Variants in FARP1 observed in about 807,000 individuals in gnomAD.
The protein encoded by FARP1 is FERM, ARHGEF and pleckstrin domain-containing protein 1.
A neutral mutation model predicts 128.8 loss-of-function variants in FARP1; 52 were observed. That is an observed-to-expected ratio of 0.40 (90% CI 0.32 to 0.51). FARP1 has a LOEUF of 0.51. FARP1 is among the 20% of genes least tolerant of loss of function. FARP1 has a pLI of 0.45. For synonymous variants in FARP1, 580 were observed against 551.8 expected, an observed-to-expected ratio of 1.05 and a Z score of -0.72; for missense variants, 1,333 against 1,367.9, an observed-to-expected ratio of 0.97 and a Z score of 0.40.
At chr13:98,281,827 T>C (rs1193999023) in intron 2 of FARP1, among the ~76,000 whole-genome samples, 1 of 152,148 alleles carries the variant, frequency 6.6e-6, no homozygotes, top group Non-Finnish European at 1.5e-5. Context: ...CCAGCTAATT[T>C]TCTGTTAACT....
At chr13:98,271,614 A>G (rs1594344176) in intron 2 of FARP1, among the ~76,000 whole-genome samples, 2 of 151,860 alleles carry the variant, frequency 1.3e-5, no homozygotes, top group Admixed American at 6.6e-5. Context: ...CCCTGGGTCC[A>G]TGTGTTCTCA....
chr13:98,294,981 C>T (rs1000940364), intron 2 of FARP1, among the ~76,000 whole-genome samples: 3 of 150,800 alleles, frequency 2.0e-5, no homozygotes, highest in African/African-American at 7.3e-5. Context: ...CACACCATTG[C>T]ACTCCAGCCT....
Position 98,176,573 on chromosome 13 carries a change from G to A in FARP1, c.-24+33081G>A. ...AGCTCCCGTTCAATCTCCCACCCGA[G>A]CTTGTAATCGGAACGGTCGTGGAGG... On this transcript the variant is annotated intron_variant, in intron 1 of 26. Coordinates refer to ENST00000319562, the MANE Select transcript of FARP1 (RefSeq NM_005766.4). The surrounding 1 kb of genome is among the most constrained non-coding windows in gnomAD (Gnocchi z 6.2). 1 of 1,614,240 alleles carries A rather than the reference G, an allele frequency of 6.2e-7. No homozygotes were observed.
At chr13:98,267,713 G>A (rs1226387950) in intron 2 of FARP1, among the ~76,000 whole-genome samples, 9 of 152,194 alleles carry the variant, frequency 5.9e-5, no homozygotes, top group African/African-American at 1.7e-4. Flanking sequence ...CCCTGCAGGC[G>A]CAGCCGCGGA....
chr13:98,363,232 T>G (rs1173220728), intron 3 of FARP1, among the ~76,000 whole-genome samples: 2 of 152,216 alleles, frequency 1.3e-5, no homozygotes, highest in African/African-American at 4.8e-5. Flanking sequence ...GATGATCATC[T>G]GGGCATCAGG....
chr13:98,330,043 AG>A (rs1887430817), intron 2 of FARP1: 1 of 152,390 alleles, frequency 6.6e-6, no homozygotes, highest in African/African-American at 2.4e-5. Context: ...CACTTTTGAA[AG>A]CCTGACGTGA....
In FARP1 at chr13:98,202,407, C is replaced by T. The variant is rs147038830; in HGVS notation, c.-23-10813C>T. On this transcript the variant is annotated intron_variant, in intron 1 of 26. Transcript: ENST00000319562. ...CAGAAGTGGTTGGAGGACCCAGAAC[C>T]CAGCCCTTTGGCTTCCTGCAGCTCT... 5.3e-5 allele frequency among the ~76,000 whole-genome samples: 8 copies of T among 152,360 alleles called. No homozygotes were observed. In the East Asian group the frequency reaches 1.3e-3, roughly 26 times the overall value.
intron 2 of FARP1, among the ~76,000 whole-genome samples, chr13:98,287,208 C>CTTTTTTTTTTTTTTTTTTTTTTT (rs71111939): frequency 6.6e-5 from 5 of 75,846 alleles, no homozygotes; most frequent in Admixed American, 1.6e-4. Flanking sequence ...TCAGACATGT[C>CTTTTTTTTTTTTTTTTTTTTTTT]TTTTTTTTTT....
Position 98,287,198 on chromosome 13 carries a change from T to A in FARP1, c.172-56564T>A, listed in dbSNP as rs1386179336. ...GCATTTGTCCTTTCCAAATTAACCATCAGACATGTCTTTTTTTTTTTTTTT... is the reference window on the plus strand; with the variant it reads ...GCATTTGTCCTTTCCAAATTAACCAACAGACATGTCTTTTTTTTTTTTTTT... On this transcript the variant is annotated intron_variant, in intron 2 of 26. Transcript: ENST00000319562. Among the ~76,000 whole-genome samples, 62 of 142,244 alleles carry A rather than the reference T, an allele frequency of 4.4e-4. 4 individuals are homozygous for A. The highest frequency in any genetic ancestry group is 2.4e-4 in the South Asian group (1 of 4,224). The allele number at this position is 142,244 out of a possible 152,430, so 93.3% of individuals were successfully genotyped here. A position where few individuals can be genotyped will look rare whatever the true frequency, so the allele number is the denominator to read the frequency against.
At chr13:98,313,803 T>A (rs749672137) in intron 2 of FARP1, among the ~76,000 whole-genome samples, 13 of 152,226 alleles carry the variant, frequency 8.5e-5, no homozygotes, top group Non-Finnish European at 1.8e-4. Context: ...GGGAAGGACC[T>A]GCCAGCCGCC....
chr13:98,341,646 AAAC>A (rs532023650), intron 2 of FARP1, among the ~76,000 whole-genome samples: 3 of 152,146 alleles, frequency 2.0e-5, no homozygotes, highest in African/African-American at 4.8e-5. Context: ...AAACAAAAAC[AAAC>A]AACAACAACA....
chr13:98,393,519 G>T, intron 11 of FARP1, 124 bp from the exon 12 acceptor site: 1 of 714,686 alleles, frequency 1.4e-6, no homozygotes, highest in Non-Finnish European at 2.5e-6. Flanking sequence ...GGCGGCTCTG[G>T]GTACCATCAT....
At chr13:98,300,644 C>T (rs1299668795) in intron 2 of FARP1, among the ~76,000 whole-genome samples, 6 of 152,216 alleles carry the variant, frequency 3.9e-5, no homozygotes, top group Admixed American at 3.9e-4. Flanking sequence ...CACTTCTCTG[C>T]TCCGCCCAGC....
At chr13:98,432,000 G>A (rs12869473) in intron 18 of FARP1, 34,943 of 152,110 alleles carry the variant, frequency 0.23, 4,485 homozygotes, top group African/African-American at 0.35. Context: ...CATTGCTACC[G>A]GTCATTTGTA....
chr13:98,332,519 A>G (rs1470790456), intron 2 of FARP1: 1 of 152,228 alleles, frequency 6.6e-6, no homozygotes, highest in Non-Finnish European at 1.5e-5. Flanking sequence ...ATGAAAAGTA[A>G]AAATGTTTGG....
At chr13:98,273,530 C>G (rs73556892) in intron 2 of FARP1, among the ~76,000 whole-genome samples, 7,784 of 152,168 alleles carry the variant, frequency 0.051, 611 homozygotes, top group African/African-American at 0.17. Context: ...AGCCAAGAGG[C>G]GTTTGTTCAG....
intron 18 of FARP1, chr13:98,432,787 G>T (rs1892087501): frequency 9.8e-6 from 1 of 102,554 alleles, no homozygotes; most frequent in South Asian, 3.2e-4. Flanking sequence ...GCGTGTGAGG[G>T]AGAAGGAACA....
intron 16 of FARP1, among the ~76,000 whole-genome samples, chr13:98,414,979 G>T (rs1038952789): frequency 3.9e-5 from 6 of 152,230 alleles, no homozygotes; most frequent in African/African-American, 1.4e-4. Flanking sequence ...AATTTCCAAA[G>T]AAGCACAATG....
At chr13:98,419,143 T>C (rs139802138) in intron 16 of FARP1, among the ~76,000 whole-genome samples, 24 of 152,160 alleles carry the variant, frequency 1.6e-4, no homozygotes, top group Admixed American at 6.5e-4. Context: ...TAATGAAAAA[T>C]CCACATATAT....
Sources: allele counts gnomAD v4.1 joint callset (sites outside exome capture counted in the v4.1 genomes callset), GRCh38; gene constraint gnomAD v4.1.1; non-coding constraint Gnocchi (gnomAD v3.1); transcripts MANE v1.5; gene names NCBI Gene and HGNC (gene_info 2026-07-23, HGNC 2026-07-21).